The following ACYP2 variants were observed in gnomAD, a reference collection of about 807,000 sequenced individuals.
ACYP2 encodes acylphosphatase 2, also known as acylphosphatase-2.
A neutral mutation model predicts 11.2 loss-of-function variants in ACYP2; 12 were observed. The observed-to-expected ratio is 1.08, with a 90% CI of 0.69 to 1.74. ACYP2 has a LOEUF of 1.74. Among genes scored for constraint, ACYP2 ranks in the 40% most tolerant of loss-of-function variants. ACYP2 has a pLI of 0.00. For synonymous variants in ACYP2, 43 were observed against 32.2 expected, an observed-to-expected ratio of 1.33 and a Z score of -1.13; for missense variants, 134 against 101.9, an observed-to-expected ratio of 1.31 and a Z score of -1.35.
In ACYP2 at chr2:54,180,049, A is replaced by G. The variant is rs1022077309; in HGVS notation, c.404+41301A>G. Among the ~76,000 whole-genome samples the G allele has an allele frequency of 5.9e-5, 9 of 152,146 alleles. No individual in the cohort carries two copies. In the East Asian group the frequency reaches 7.7e-4, roughly 13 times the overall value. The stretch of plus-strand genomic sequence containing the variant: ...TTCCCATGACCCCTCCTTGAATTCA[A>G]TTAATTTTCTAGGGTAGCTCATAGA... On this transcript the variant is annotated intron_variant, in intron 6 of 6. Coordinates refer to ENST00000607452, the MANE Select transcript of ACYP2 (RefSeq NM_001320586.2).
rs3068999 is a variant in ACYP2 at position 54,127,750 on chromosome 2, CAAAAAAA to C, written c.278-7688_278-7682del. Among the ~76,000 whole-genome samples, 397 of 90,496 alleles carry C rather than the reference CAAAAAAA, an allele frequency of 4.4e-3. 5 individuals are homozygous for C. The highest frequency in any genetic ancestry group is 0.014 in the African/African-American group (375 of 26,462). 59.4% of individuals were successfully genotyped at this position (90,496 alleles called of 152,430 possible). On this transcript the variant is annotated intron_variant, in intron 4 of 6. Transcript: ENST00000607452. ...CCTGGGCAACAGAGCGAGACTGTCTCAAAAAAAAAAAAAAAAAAAAAGCTTCTGGAAT... is the reference window on the plus strand; with the variant it reads ...CCTGGGCAACAGAGCGAGACTGTCTCAAAAAAAAAAAAAAGCTTCTGGAAT...
intron 6 of ACYP2, among the ~76,000 whole-genome samples, chr2:54,166,409 T>C (rs1462320983): frequency 1.3e-5 from 2 of 152,186 alleles, no homozygotes; most frequent in African/African-American, 2.4e-5. Flanking sequence ...AGAATGTGTA[T>C]ACAGAATGAA....
At chr2:54,018,194 A>C (rs1250941830) in intron 2 of ACYP2, among the ~76,000 whole-genome samples, 1 of 152,194 alleles carries the variant, frequency 6.6e-6, no homozygotes, top group African/African-American at 2.4e-5. Context: ...AACCTAAGTA[A>C]GCATCAGTAT....
intron 2 of ACYP2, among the ~76,000 whole-genome samples, chr2:54,028,124 T>C (rs1397636113): frequency 6.6e-6 from 1 of 152,184 alleles, no homozygotes; most frequent in African/African-American, 2.4e-5. Flanking sequence ...ATTATAAGCA[T>C]GTGCCACCGT....
intron 6 of ACYP2, among the ~76,000 whole-genome samples, chr2:54,196,305 C>T (rs1472239159): frequency 6.6e-6 from 1 of 152,116 alleles, no homozygotes; most frequent in Non-Finnish European, 1.5e-5. Flanking sequence ...CTCCACCTCC[C>T]AGGCTCAAGC....
intron 2 of ACYP2, among the ~76,000 whole-genome samples, chr2:54,012,668 C>G (rs566729097): frequency 1.3e-5 from 2 of 152,318 alleles, no homozygotes; most frequent in African/African-American, 4.8e-5. Context: ...TGTTACTCGT[C>G]TGATCTACAG....
At position 54,202,405 on chromosome 2, in the gene ACYP2, C is replaced by CTTTTTTTTTTTTTTTTTT. The variant is rs61634500; in HGVS notation, c.404+63658_404+63675dup. ...TACAGGCATGAGCCACTGTGCCTGGCTTTTTTTTTTTTTTTTTTCTGAGAT... is the reference window on the plus strand; with the variant it reads ...TACAGGCATGAGCCACTGTGCCTGGCTTTTTTTTTTTTTTTTTTTTTTTTTTTTTTTTTTTTCTGAGAT... On this transcript the variant is annotated intron_variant, in intron 6 of 6. Transcript: ENST00000607452. Among the ~76,000 whole-genome samples, 64 of 116,362 alleles carry CTTTTTTTTTTTTTTTTTT rather than the reference C, an allele frequency of 5.5e-4. 1 individual carries two copies. The highest frequency in any genetic ancestry group is 2.2e-3 in the African/African-American group (61 of 28,080). The allele number at this position is 116,362 out of a possible 152,430, so 76.3% of individuals were successfully genotyped here. A position where few individuals can be genotyped will look rare whatever the true frequency, so the allele number is the denominator to read the frequency against.
chr2:54,152,490 T>C (rs1682226698), intron 6 of ACYP2, among the ~76,000 whole-genome samples: 1 of 152,126 alleles, frequency 6.6e-6, no homozygotes, highest in Admixed American at 6.5e-5. Context: ...GTGTCTACCA[T>C]TATAGTATCA....
intron 6 of ACYP2, among the ~76,000 whole-genome samples, chr2:54,266,750 C>T (rs1688047381): frequency 6.6e-6 from 1 of 151,510 alleles, no homozygotes; most frequent in South Asian, 2.1e-4. Flanking sequence ...GTACTACAGG[C>T]TCCCACCACC....
intron 6 of ACYP2, among the ~76,000 whole-genome samples, chr2:54,210,871 G>C (rs1157487509): frequency 6.6e-6 from 1 of 152,076 alleles, no homozygotes; most frequent in Non-Finnish European, 1.5e-5. Flanking sequence ...GGCATCTGAT[G>C]CAATTGCTGC....
chr2:54,006,334 G>C (rs1334500477), intron 2 of ACYP2, among the ~76,000 whole-genome samples: 1 of 152,032 alleles, frequency 6.6e-6, no homozygotes, highest in Non-Finnish European at 1.5e-5. Flanking sequence ...TTTTAGTAGA[G>C]AGGGGTTTCA....
chr2:54,031,550 A>G (rs1259419032), intron 2 of ACYP2, among the ~76,000 whole-genome samples: 1 of 152,068 alleles, frequency 6.6e-6, no homozygotes, highest in Non-Finnish European at 1.5e-5. Context: ...GTTGGTTCCA[A>G]GTCTTTGCTA....
chr2:54,228,740 G>A (rs927186083), intron 6 of ACYP2, among the ~76,000 whole-genome samples: 9 of 151,836 alleles, frequency 5.9e-5, no homozygotes, highest in African/African-American at 2.2e-4. Flanking sequence ...GAGGGAGGGA[G>A]AGAAAGAAAA....
chr2:54,245,826 C>T (rs1686925116), intron 6 of ACYP2, among the ~76,000 whole-genome samples: 1 of 151,874 alleles, frequency 6.6e-6, no homozygotes, highest in Admixed American at 6.6e-5. Context: ...CCTTTTCACT[C>T]TGTTGTTTCT....
chr2:54,195,717 CAT>C (rs1684440279), intron 6 of ACYP2, among the ~76,000 whole-genome samples: 1 of 146,346 alleles, frequency 6.8e-6, no homozygotes, highest in Non-Finnish European at 1.5e-5. Context: ...TATTCAGTGA[CAT>C]GTGCTTCATT....
intron 4 of ACYP2, among the ~76,000 whole-genome samples, chr2:54,126,718 C>T (rs142805896): frequency 0.052 from 7,932 of 151,634 alleles, 630 homozygotes; most frequent in African/African-American, 0.18. Flanking sequence ...GAGGCCTAGG[C>T]GGGCGGATCA....
At chr2:54,223,912 A>G (rs1381785911) in intron 6 of ACYP2, among the ~76,000 whole-genome samples, 1 of 152,098 alleles carries the variant, frequency 6.6e-6, no homozygotes, top group Non-Finnish European at 1.5e-5. Context: ...ATATTGTTTT[A>G]TTTATTAAAT....
At chr2:54,261,636 CT>C (rs1243606715) in intron 6 of ACYP2, among the ~76,000 whole-genome samples, 3 of 152,082 alleles carry the variant, frequency 2.0e-5, no homozygotes, top group African/African-American at 4.8e-5. Flanking sequence ...TTTTTCAGTT[CT>C]TGTTTTGAAA....
At chr2:54,171,350 T>C (rs1300166696) in intron 6 of ACYP2, among the ~76,000 whole-genome samples, 1 of 152,262 alleles carries the variant, frequency 6.6e-6, no homozygotes, top group African/African-American at 2.4e-5. Context: ...ATGGGAATGT[T>C]ATCGGGGGGC....
Sources: allele counts gnomAD v4.1 joint callset (sites outside exome capture counted in the v4.1 genomes callset), GRCh38; gene constraint gnomAD v4.1.1; transcripts MANE v1.5; gene names NCBI Gene and HGNC (gene_info 2026-07-23, HGNC 2026-07-21).